Variants in RRM2B observed in about 807,000 individuals in gnomAD.
RRM2B encodes ribonucleoside-diphosphate reductase subunit M2 B.
A neutral mutation model predicts 45.9 loss-of-function variants in RRM2B; 20 were observed. The ratio of observed to expected loss-of-function variants is 0.44; its 90% confidence interval spans 0.31 to 0.63. RRM2B has a LOEUF of 0.63. RRM2B is among the 30% of genes least tolerant of loss of function. The pLI, the probability that RRM2B is intolerant of heterozygous loss-of-function variation, is 0.09. For synonymous variants in RRM2B, 124 were observed against 132.3 expected, an observed-to-expected ratio of 0.94 and a Z score of 0.43; for missense variants, 320 against 414.7, an observed-to-expected ratio of 0.77 and a Z score of 1.98.
At chr8:102,225,813 C>T (rs555622518) in intron 3 of RRM2B, 105 bp downstream of exon 3, 20 of 760,098 alleles carry the variant, frequency 2.6e-5, no homozygotes, top group African/African-American at 2.6e-4. Flanking sequence ...TCATCTAGTT[C>T]ATTTTTTAGA....
At chr8:102,233,191 G>A (rs537284534) in intron 1 of RRM2B, among the ~76,000 whole-genome samples, 37 of 152,280 alleles carry the variant, frequency 2.4e-4, no homozygotes, top group African/African-American at 7.7e-4. Flanking sequence ...TGACAGGCCC[G>A]TTATGTTCCT....
chr8:102,225,221 GTA>G (rs1249395900), intron 3 of RRM2B, among the ~76,000 whole-genome samples: 2 of 141,396 alleles, frequency 1.4e-5, no homozygotes, highest in Non-Finnish European at 3.1e-5. Flanking sequence ...TATTTGCATA[GTA>G]TATTCTTTTT....
intron 8 of RRM2B, among the ~76,000 whole-genome samples, chr8:102,212,568 T>C (rs1185338281): frequency 6.6e-6 from 1 of 152,216 alleles, no homozygotes; most frequent in African/African-American, 2.4e-5. Flanking sequence ...AGCTTATTAG[T>C]TCTAATATTT....
At chr8:102,224,187 T>A in intron 4 of RRM2B, 47 bp from the exon 5 acceptor site, 1 of 396,720 alleles carries the variant, frequency 2.5e-6, no homozygotes, top group Non-Finnish European at 3.9e-6. Context: ...CTTGTTTTTC[T>A]TTTTTTTTTT....
chr8:102,218,931 G>A lies in RRM2B; in HGVS notation c.567C>T (p.Ala189=), dbSNP rs1053058513. The change falls in exon 6 of 9, where the codon GCC becomes GCT. Residue 189 remains alanine (A), a synonymous_variant. Transcript: ENST00000251810. ...RKSTFGERVV[A]FAAVEGVFFS... ...AGAAAACTCCTTCTACAGCAGCAAA[G>A]GCCACCACTCTTTCCCCTGGGAGAC... 1 of 1,612,976 alleles carries A rather than the reference G, an allele frequency of 6.2e-7. No homozygotes were observed. Among genetic ancestry groups the A allele is most frequent in the Non-Finnish European group, 8.5e-7 (1 of 1,179,450 alleles).
intron 3 of RRM2B, among the ~76,000 whole-genome samples, chr8:102,225,665 ACTAT>A (rs2132556024): frequency 6.6e-6 from 1 of 152,340 alleles, no homozygotes; most frequent in South Asian, 2.1e-4. Context: ...TATTAAGCTT[ACTAT>A]CTGAGAGTAA....
chr8:102,227,606 AT>A, intron 2 of RRM2B, among the ~76,000 whole-genome samples: 1 of 152,308 alleles, frequency 6.6e-6, no homozygotes. Context: ...CCAGCCAAAA[AT>A]TGTCTTTAAA....
chr8:102,232,068 TAA>T (rs1246934942), intron 2 of RRM2B, 79 bp downstream of exon 2: 1 of 1,263,086 alleles, frequency 7.9e-7, no homozygotes, highest in African/African-American at 1.5e-5. Flanking sequence ...ATGTATAAGT[TAA>T]AGTTATTCAA....
In RRM2B at chr8:102,207,029, G is replaced by A. The variant is rs1467906554; in HGVS notation, c.*1104C>T. 6.6e-6 allele frequency: 1 copy of A among 152,168 alleles called. No individual in the cohort carries two copies. The highest frequency in any genetic ancestry group is 1.5e-5 in the Non-Finnish European group (1 of 68,022). 9.4% of individuals were successfully genotyped at this position (152,168 alleles called of 1,614,324 possible). A position where few individuals can be genotyped will look rare whatever the true frequency, so the allele number is the denominator to read the frequency against. ...CTCAGTCCATAAGCCCTTCCTCTAT[G>A]TATAAATGGTTCTCGGCCAGCTTTT... On this transcript the variant is annotated 3_prime_UTR_variant, in exon 9 of 9. Coordinates refer to ENST00000251810, the MANE Select transcript of RRM2B (RefSeq NM_015713.5).
chr8:102,236,628 T>G (rs1811125327), intron 1 of RRM2B, among the ~76,000 whole-genome samples: 1 of 152,192 alleles, frequency 6.6e-6, no homozygotes. Context: ...ACTGGTCTAA[T>G]GAAGGATTAA....
intron 1 of RRM2B, among the ~76,000 whole-genome samples, chr8:102,232,954 C>T (rs1157914179): frequency 6.6e-6 from 1 of 152,204 alleles, no homozygotes; most frequent in African/African-American, 2.4e-5. Context: ...GTGAGAAACA[C>T]ATACCTGTAT....
In RRM2B at chr8:102,232,191, T is replaced by C. The variant is rs746927643; in HGVS notation, c.162A>G (p.Lys54=). 7.4e-6 allele frequency: 12 copies of C among 1,614,094 alleles called. No homozygotes were observed. The highest frequency in any genetic ancestry group is 1.0e-5 in the Non-Finnish European group (12 of 1,180,034). The change falls in exon 2 of 9, where the codon AAA becomes AAG. Residue 54 remains lysine (K), a synonymous_variant. Coordinates refer to ENST00000251810, the MANE Select transcript of RRM2B (RefSeq NM_015713.5). Reference sequence around the variant, plus strand: ...AGGAAGCCTGTGCCTGTTTATACATTTTCCAAATATCAGGGTACTGGATTG... The same window carrying C: ...AGGAAGCCTGTGCCTGTTTATACATCTTCCAAATATCAGGGTACTGGATTG... The part of the protein sequence containing the change: ...IFPIQYPDIW[K]MYKQAQASFW...
intron 8 of RRM2B, among the ~76,000 whole-genome samples, chr8:102,211,703 A>G (rs1428828321): frequency 2.0e-5 from 3 of 152,236 alleles, no homozygotes; most frequent in Non-Finnish European, 2.9e-5. Flanking sequence ...TTCTTTTAAT[A>G]TACATAGTTT....
intron 8 of RRM2B, among the ~76,000 whole-genome samples, chr8:102,209,175 A>G (rs1428739076): frequency 6.6e-6 from 1 of 152,096 alleles, no homozygotes; most frequent in Non-Finnish European, 1.5e-5. Context: ...CAAGAAGCAG[A>G]CTTGGAGATA....
At chr8:102,225,788 T>C in intron 3 of RRM2B, 130 bp downstream of exon 3, 1 of 695,832 alleles carries the variant, frequency 1.4e-6, no homozygotes, top group Non-Finnish European at 2.6e-6. Context: ...AGAAAAACAT[T>C]TAAAGAGTTA....
At chr8:102,208,380 A>AG in intron 8 of RRM2B, 95 bp from the exon 9 acceptor site, 1 of 890,350 alleles carries the variant, frequency 1.1e-6, no homozygotes, top group Non-Finnish European at 1.8e-6. Flanking sequence ...CAGGTTTCTC[A>AG]AAACCTATCT....
At chr8:102,215,493 G>A (rs1443260136) in intron 6 of RRM2B, among the ~76,000 whole-genome samples, 1 of 152,006 alleles carries the variant, frequency 6.6e-6, no homozygotes, top group Non-Finnish European at 1.5e-5. Flanking sequence ...ACTTATTACA[G>A]AAAGCAATAC....
In RRM2B at chr8:102,207,280, G is replaced by A. The variant is rs1462147843; in HGVS notation, c.*853C>T. On this transcript the variant is annotated 3_prime_UTR_variant, in exon 9 of 9. Transcript: ENST00000251810. ...TTTTTCCCCCAAAAAAATATCTAGA[G>A]GAGCTAATAGCTCTTAGAATATTCT... 9 of 152,184 alleles carry A rather than the reference G, an allele frequency of 5.9e-5. No individual in the cohort carries two copies. The highest frequency in any genetic ancestry group is 2.9e-5 in the Non-Finnish European group (2 of 68,026). The allele number at this position is 152,184 out of a possible 1,614,324, so 9.4% of individuals were successfully genotyped here.
At chr8:102,238,659 G>A (rs771581024) in intron 1 of RRM2B, 168 bp downstream of exon 1, 1 of 1,537,754 alleles carries the variant, frequency 6.5e-7, no homozygotes, top group African/African-American at 1.4e-5. Flanking sequence ...CCCTCCCCGG[G>A]GACGGCCTCC....
Sources: allele counts gnomAD v4.1 joint callset (sites outside exome capture counted in the v4.1 genomes callset), GRCh38; gene constraint gnomAD v4.1.1; transcripts MANE v1.5; gene names NCBI Gene and HGNC (gene_info 2026-07-23, HGNC 2026-07-21).